Variants in CSTF1 observed in about 807,000 individuals in gnomAD.
CSTF1 encodes CF-1 50 kDa subunit.
In CSTF1, 2 loss-of-function variants were observed where a neutral mutation model predicts 40.9. The observed-to-expected ratio is 0.05, with a 90% CI of 0.02 to 0.15. The LOEUF (loss-of-function observed/expected upper bound fraction) is 0.15. Among genes scored for constraint, CSTF1 ranks in the 10% least tolerant of loss-of-function variants. The pLI is 1.00. For synonymous variants in CSTF1, 218 were observed against 207.2 expected, an observed-to-expected ratio of 1.05 and a Z score of -0.45; for missense variants, 279 against 558.9, an observed-to-expected ratio of 0.50 and a Z score of 5.05.
Position 56,399,476 on chromosome 20 carries a change from C to G in CSTF1, c.1036+119C>G, listed in dbSNP as rs1425665360. On this transcript the variant is annotated intron_variant, in intron 5 of 5. Coordinates refer to ENST00000217109, the MANE Select transcript of CSTF1 (RefSeq NM_001324.3). This position sits in a 1 kb window ranked among gnomAD's most constrained non-coding sequence, Gnocchi z 4.6. ...TATGCATTGAGCAAGGCAGATGTTA[C>G]CCTTTCTTAGATAAGAGGAAACCAA... is the stretch of plus-strand genomic sequence containing the variant. 3 of 939,066 alleles carry G rather than the reference C, an allele frequency of 3.2e-6. No homozygotes were observed. Among genetic ancestry groups the G allele is most frequent in the East Asian group, 2.5e-5 (1 of 40,486 alleles). 58.2% of individuals were successfully genotyped at this position (939,066 alleles called of 1,614,324 possible).
At position 56,403,541 on chromosome 20, in the gene CSTF1, G is replaced by A; in HGVS notation, c.1110G>A (p.Leu370=). Reference sequence around the variant, plus strand: ...ACCACACCGAGGACTATGTGTTGCTGCCCGACGAGAGGACGATCAGTCTTT... The same window carrying A: ...ACCACACCGAGGACTATGTGTTGCTACCCGACGAGAGGACGATCAGTCTTT... ...VFNHTEDYVL[L]PDERTISLCC... Residue 370 remains leucine, a synonymous_variant, in exon 6 of 6, where the codon CTG becomes CTA. Coordinates refer to ENST00000217109, the MANE Select transcript of CSTF1 (RefSeq NM_001324.3). 6.2e-7 allele frequency: 1 copy of A among 1,614,124 alleles called. No homozygotes were observed. The highest frequency in any genetic ancestry group is 8.5e-7 in the Non-Finnish European group (1 of 1,180,028).
At position 56,397,195 on chromosome 20, in the gene CSTF1, G is replaced by T. The variant is rs1183063286; in HGVS notation, c.170-12G>T. ...CTTGTTTTGTTACGCCCTTAATTTT[G>T]ATTTCTTTCAGGAATGGAAAACGAT... On this transcript the variant is annotated splice_polypyrimidine_tract_variant and intron_variant, in intron 2 of 5. Transcript: ENST00000217109. This position sits in a 1 kb window ranked among gnomAD's most constrained non-coding sequence, Gnocchi z 4.4. The T allele has an allele frequency of 1.9e-6, 3 of 1,602,410 alleles. No individual in the cohort carries two copies. Among genetic ancestry groups the T allele is most frequent in the Non-Finnish European group, 2.6e-6 (3 of 1,173,550 alleles).
In CSTF1 at chr20:56,403,471, C is replaced by T; in HGVS notation, c.1040C>T (p.Ala347Val). ...TCCCTCTTGCTCTCTGTGGCAGGCG[C>T]GGGTTTAAGTGGACGCCAGGTGCAC... ...TGRTLVRYTG[A>V]GLSGRQVHRT... Residue 347 changes from alanine (A) to valine (V), a missense_variant, in exon 6 of 6, where the codon GCG becomes GTG. Transcript: ENST00000217109. The T allele has an allele frequency of 6.2e-7, 1 of 1,613,894 alleles. No individual in the cohort carries two copies. The highest frequency in any genetic ancestry group is 8.5e-7 in the Non-Finnish European group (1 of 1,179,916).
In CSTF1 at chr20:56,403,983, A is replaced by T; in HGVS notation, c.*256A>T. 1 of 407,532 alleles carries T rather than the reference A, an allele frequency of 2.5e-6. No homozygotes were observed. The highest frequency in any genetic ancestry group is 4.4e-6 in the Non-Finnish European group (1 of 226,488). 25.2% of individuals were successfully genotyped at this position (407,532 alleles called of 1,614,324 possible). ...TGATTTTCATCGGTTTTGTAAGTAC[A>T]GGACTTGCCGTTTCTTTTGATCTCT... On this transcript the variant is annotated 3_prime_UTR_variant, in exon 6 of 6. Transcript: ENST00000217109.
chr20:56,403,349 G>A (rs1240450747), intron 5 of CSTF1, 119 bp from the exon 6 acceptor site: 4 of 1,188,100 alleles, frequency 3.4e-6, no homozygotes, highest in Non-Finnish European at 3.6e-6. Context: ...TAGAGTTTCT[G>A]AAAGTGTACA....
chr20:56,403,204 T>C (rs1307797346), intron 5 of CSTF1, among the ~76,000 whole-genome samples: 1 of 152,044 alleles, frequency 6.6e-6, no homozygotes. Context: ...AGTCTTGCTC[T>C]TGCTCTGTTG....
At chr20:56,395,207 A>C (rs1272757502) in intron 1 of CSTF1, among the ~76,000 whole-genome samples, 1 of 152,236 alleles carries the variant, frequency 6.6e-6, no homozygotes, top group Non-Finnish European at 1.5e-5. Flanking sequence ...AACAAAAATC[A>C]TAGGTAGCTA....
In CSTF1 at chr20:56,395,592, C is replaced by T; in HGVS notation, c.40C>T (p.Leu14Phe). The change falls in exon 2 of 6, where the codon CTC becomes TTC. Residue 14 changes from leucine (L) to phenylalanine (F), a missense_variant. By Grantham distance (22) the Leu-to-Phe change is conservative. Around this residue, in one of 4 missense-constraint regions of CSTF1, gnomAD observed 51 missense variants for 55.0 expected, o/e 0.93. Transcript: ENST00000217109. ...TKVGLKDRQQ[L>F]YKLIISQLLY... Reference sequence around the variant, plus strand: ...AGTGGGCTTGAAGGACCGCCAGCAGCTCTACAAGCTGATCATTAGCCAGCT... The same window carrying T: ...AGTGGGCTTGAAGGACCGCCAGCAGTTCTACAAGCTGATCATTAGCCAGCT... 1 of 1,614,160 alleles carries T rather than the reference C, an allele frequency of 6.2e-7. No homozygotes were observed. Among genetic ancestry groups the T allele is most frequent in the Non-Finnish European group, 8.5e-7 (1 of 1,180,020 alleles).
At position 56,397,934 on chromosome 20, in the gene CSTF1, A is replaced by C; in HGVS notation, c.645+93A>C. The C allele has an allele frequency of 9.9e-7, 1 of 1,009,046 alleles. No individual in the cohort carries two copies. Among genetic ancestry groups the C allele is most frequent in the Non-Finnish European group, 1.5e-6 (1 of 678,488 alleles). The allele number at this position is 1,009,046 out of a possible 1,614,324, so 62.5% of individuals were successfully genotyped here. A position where few individuals can be genotyped will look rare whatever the true frequency, so the allele number is the denominator to read the frequency against. On this transcript the variant is annotated intron_variant, in intron 4 of 5. Coordinates refer to ENST00000217109, the MANE Select transcript of CSTF1 (RefSeq NM_001324.3). This position sits in a 1 kb window ranked among gnomAD's most constrained non-coding sequence, Gnocchi z 4.4. ...CTTTTTAAAAGTAGTCTCAGTGATC[A>C]TCCTGTAAGATGCGTACAGACCAGG...
chr20:56,399,513 TAA>T lies in CSTF1; in HGVS notation c.1036+157_1036+158del, dbSNP rs752282075. On this transcript the variant is annotated intron_variant, in intron 5 of 5. Transcript: ENST00000217109. The surrounding 1 kb of genome is among the most constrained non-coding windows in gnomAD (Gnocchi z 4.6). ...TAAGAGGAAACCAAGACTTACAGGT[TAA>T]GTCATTTAGCCAAGGCTACACGACT... is the stretch of plus-strand genomic sequence containing the variant. 5.3e-5 allele frequency among the ~76,000 whole-genome samples: 8 copies of T among 152,216 alleles called. No homozygotes were observed. The highest frequency in any genetic ancestry group is 8.8e-5 in the Non-Finnish European group (6 of 68,026).
In CSTF1 at chr20:56,399,652, A is replaced by C. The variant is rs2426619; in HGVS notation, c.1036+295A>C. ...CCTGGTGATCCATTTGTAGACTGGC[A>C]TGCCCTCTTCCCACAGAAATGTGAA... On this transcript the variant is annotated intron_variant, in intron 5 of 5. Coordinates refer to ENST00000217109, the MANE Select transcript of CSTF1 (RefSeq NM_001324.3). This position sits in a 1 kb window ranked among gnomAD's most constrained non-coding sequence, Gnocchi z 4.6. 0.91 allele frequency among the ~76,000 whole-genome samples: 138,374 copies of C among 152,254 alleles called. 63,210 individuals are homozygous for C. Among genetic ancestry groups the C allele is most frequent in the Non-Finnish European group, 0.96 (65,176 of 68,032 alleles).
intron 2 of CSTF1, chr20:56,396,921 C>T: frequency 3.1e-6 from 1 of 318,154 alleles, no homozygotes; most frequent in African/African-American, 2.1e-5. Context: ...TTTTGAGTTT[C>T]TGTAGTTGTA....
In CSTF1 at chr20:56,395,624, T is replaced by C. The variant is rs775109942; in HGVS notation, c.72T>C (p.Tyr24=). 3 of 1,614,240 alleles carry C rather than the reference T, an allele frequency of 1.9e-6. No individual in the cohort carries two copies. In the East Asian group the frequency reaches 6.7e-5, roughly 36 times the overall value. Residue 24 remains tyrosine, a synonymous_variant, in exon 2 of 6, where the codon TAT becomes TAC. Transcript: ENST00000217109. ...LYKLIISQLL[Y]DGYISIANGL... ...AGCTGATCATTAGCCAGCTGCTATA[T>C]GACGGCTACATCAGCATCGCCAATG...
chr20:56,395,511 G>T lies in CSTF1; in HGVS notation c.-32-10G>T. 1.3e-6 allele frequency: 2 copies of T among 1,587,864 alleles called. No individual in the cohort carries two copies. The highest frequency in any genetic ancestry group is 1.7e-6 in the Non-Finnish European group (2 of 1,165,236). On this transcript the variant is annotated splice_polypyrimidine_tract_variant and intron_variant, in intron 1 of 5. Coordinates refer to ENST00000217109, the MANE Select transcript of CSTF1 (RefSeq NM_001324.3). ...CTGTACCCTTCACCGTCCATTTTCC[G>T]TTTTTGCAGCTGGCAGGGAAACTGT... is the stretch of plus-strand genomic sequence containing the variant.
Position 56,405,809 on chromosome 20 carries a change from C to A in CSTF1, c.*2082C>A, listed in dbSNP as rs1978682441. 1 of 152,224 alleles carries A rather than the reference C, an allele frequency of 6.6e-6. No individual in the cohort carries two copies. The highest frequency in any genetic ancestry group is 1.5e-5 in the Non-Finnish European group (1 of 68,030). The allele number at this position is 152,224 out of a possible 1,614,324, so 9.4% of individuals were successfully genotyped here. A position where few individuals can be genotyped will look rare whatever the true frequency, so the allele number is the denominator to read the frequency against. On this transcript the variant is annotated 3_prime_UTR_variant, in exon 6 of 6. Transcript: ENST00000217109. ...TAAATACGAACAAGGATAACCAGTT[C>A]TACCAAAAACATTACCAACCAAACC...
In CSTF1 at chr20:56,403,763, T is replaced by A. The variant is rs749587691; in HGVS notation, c.*36T>A. On this transcript the variant is annotated 3_prime_UTR_variant, in exon 6 of 6. Transcript: ENST00000217109. ...CCGTAGGGTTCTTTCTCGAGGACTC[T>A]ACCCTCCTCCCCCACGTCCTGTCTC... 1.3e-6 allele frequency: 2 copies of A among 1,570,432 alleles called. No individual in the cohort carries two copies. The highest frequency in any genetic ancestry group is 1.7e-6 in the Non-Finnish European group (2 of 1,150,296).
chr20:56,397,274 A>G lies in CSTF1; in HGVS notation c.237A>G (p.Thr79=), dbSNP rs754725284. 1.2e-6 allele frequency: 2 copies of G among 1,614,246 alleles called. No individual in the cohort carries two copies. Among genetic ancestry groups the G allele is most frequent in the Admixed American group, 3.3e-5 (2 of 60,028 alleles). ...GTTCAGATACTGTTGCCCCTGGCAC[A>G]GGGATTGACCTGGAATTTGATGCAG... ...IGRSDTVAPG[T]GIDLEFDADV... Residue 79 remains threonine, a synonymous_variant, in exon 3 of 6, where the codon ACA becomes ACG. Transcript: ENST00000217109. This position sits in a 1 kb window ranked among gnomAD's most constrained non-coding sequence, Gnocchi z 4.4.
chr20:56,393,672 A>C (rs1360144202), intron 1 of CSTF1, among the ~76,000 whole-genome samples: 1 of 151,336 alleles, frequency 6.6e-6, no homozygotes, highest in Non-Finnish European at 1.5e-5. Context: ...AAGCAGCTCT[A>C]ACACAAGTTA....
At chr20:56,392,401 A>G (rs752574426), upstream of CSTF1, 3 of 152,304 alleles carry the variant, frequency 2.0e-5, no homozygotes, top group Non-Finnish European at 4.4e-5. Flanking sequence ...GCCAACGGCC[A>G]GCCAGACCTG....
Sources: allele counts gnomAD v4.1 joint callset (sites outside exome capture counted in the v4.1 genomes callset), GRCh38; gene constraint gnomAD v4.1.1; regional missense constraint gnomAD v4.1.1; non-coding constraint Gnocchi (gnomAD v3.1); transcripts MANE v1.5; gene names NCBI Gene and HGNC (gene_info 2026-07-23, HGNC 2026-07-21).